C3orf52: variants seen among roughly 807,000 people sequenced by gnomAD.
C3orf52 encodes the protein chromosome 3 open reading frame 52.
C3orf52 carries 22 observed loss-of-function variants against 24.8 expected under a neutral mutation model. The ratio of observed to expected loss-of-function variants is 0.89; its 90% confidence interval spans 0.63 to 1.27. The LOEUF (loss-of-function observed/expected upper bound fraction) is 1.27. Ranked by LOEUF, C3orf52 falls within the 50% of genes most tolerant of loss-of-function variation. The pLI is 0.00. For synonymous variants in C3orf52, 93 were observed against 100.2 expected (o/e 0.93, Z 0.43); for missense variants, 265 against 260.7 (o/e 1.02, Z -0.11).
At chr3:112,112,332 GC>G (rs2074091077) in intron 4 of C3orf52, 1 of 153,090 alleles carries the variant, frequency 6.5e-6, no homozygotes, top group Admixed American at 6.5e-5. Context: ...TGGTTATCTT[GC>G]CCTAGGGGCC....
rs1162955894 is a variant in C3orf52 at position 112,117,043 on chromosome 3, C to T, written c.*397C>T. On this transcript the variant is annotated 3_prime_UTR_variant, in exon 6 of 6. Transcript: ENST00000264848. ...TCATGGCACTGCTATTCTTGAAGCA[C>T]TCCACCCACCTGGGCTACTTTTTCT... The T allele has an allele frequency of 1.1e-6, 1 of 917,400 alleles. No homozygotes were observed. Among genetic ancestry groups the T allele is most frequent in the Non-Finnish European group, 1.6e-6 (1 of 616,338 alleles). The allele number at this position is 917,400 out of a possible 1,614,324, so 56.8% of individuals were successfully genotyped here.
At chr3:112,112,817 G>T in intron 4 of C3orf52, 147 bp from the exon 5 acceptor site, 1 of 753,864 alleles carries the variant, frequency 1.3e-6, no homozygotes, top group Non-Finnish European at 2.4e-6. Context: ...TTATAGGACA[G>T]TATGTTCTTC....
At chr3:112,125,260 G>A in intron 4 of C3orf52, 1 of 1,564,410 alleles carries the variant, frequency 6.4e-7, no homozygotes. Context: ...TTCATCTGGA[G>A]AAAGAAAATA....
chr3:112,091,678 G>C lies in C3orf52; in HGVS notation c.139-1682G>C, dbSNP rs115149318. 9.9e-4 allele frequency among the ~76,000 whole-genome samples: 151 copies of C among 152,108 alleles called. 1 individual carries two copies. Among genetic ancestry groups the C allele is most frequent in the African/African-American group, 3.5e-3 (147 of 41,432 alleles). ...AATACAGTCCAAGTGTGGACTGACC[G>C]ATTCGTTTTCTGATGGCCAGCACCA... On this transcript the variant is annotated intron_variant, in intron 1 of 5. Transcript: ENST00000264848.
intron 4 of C3orf52, 75 bp from the exon 5 acceptor site, chr3:112,112,889 A>AG (rs2074098388): frequency 1.7e-6 from 2 of 1,189,026 alleles, no homozygotes; most frequent in Non-Finnish European, 2.5e-6. Context: ...AAAAAAAAAA[A>AG]GTTATTGCTT....
At chr3:112,108,388 T>C (rs1300419720) in intron 3 of C3orf52, among the ~76,000 whole-genome samples, 1 of 152,178 alleles carries the variant, frequency 6.6e-6, no homozygotes, top group Non-Finnish European at 1.5e-5. Flanking sequence ...TATTTATACA[T>C]TGCTGGGAGG....
At chr3:112,090,468 AT>A (rs934850430) in intron 1 of C3orf52, among the ~76,000 whole-genome samples, 1 of 149,686 alleles carries the variant, frequency 6.7e-6, no homozygotes, top group African/African-American at 2.5e-5. Flanking sequence ...CTATTTTTTT[AT>A]TTTTATTTTT....
At position 112,109,529 on chromosome 3, in the gene C3orf52, T is replaced by C. The variant is rs2074057370; in HGVS notation, c.397-14T>C. 2.0e-6 allele frequency: 3 copies of C among 1,529,876 alleles called. No homozygotes were observed. Among genetic ancestry groups the C allele is most frequent in the African/African-American group, 3.4e-5 (2 of 59,228 alleles). 94.8% of individuals were successfully genotyped at this position (1,529,876 alleles called of 1,614,324 possible). A position where few individuals can be genotyped will look rare whatever the true frequency, so the allele number is the denominator to read the frequency against. ...CGGTAATGTGTGTGGTTTAATTTGC[T>C]TCTGTTTGTTTAGCTCACAGATGTG... On this transcript the variant is annotated splice_polypyrimidine_tract_variant and intron_variant, in intron 3 of 5. Coordinates refer to ENST00000264848, the MANE Select transcript of C3orf52 (RefSeq NM_024616.3).
chr3:112,098,947 G>C (rs529308789), intron 2 of C3orf52, among the ~76,000 whole-genome samples: 1 of 152,246 alleles, frequency 6.6e-6, no homozygotes, highest in Admixed American at 6.5e-5. Flanking sequence ...ATCTCATGTT[G>C]AATGATAAGA....
chr3:112,120,408 A>G (rs1394228822), downstream of C3orf52, among the ~76,000 whole-genome samples: 1 of 152,194 alleles, frequency 6.6e-6, no homozygotes, highest in Non-Finnish European at 1.5e-5. Flanking sequence ...CTTGTTGTCA[A>G]CAGATTTTCC....
chr3:112,124,454 C>T (rs1441485027), intron 4 of C3orf52, among the ~76,000 whole-genome samples: 1 of 152,034 alleles, frequency 6.6e-6, no homozygotes, highest in Non-Finnish European at 1.5e-5. Context: ...ACTGAAAATA[C>T]AAAAATTAGC....
intron 3 of C3orf52, among the ~76,000 whole-genome samples, chr3:112,108,957 G>A (rs2107786346): frequency 6.6e-6 from 1 of 152,248 alleles, no homozygotes; most frequent in East Asian, 1.9e-4. Context: ...CAAATATGAA[G>A]ACATGAAAGC....
Position 112,117,007 on chromosome 3 carries a change from C to A in C3orf52, c.*361C>A. On this transcript the variant is annotated 3_prime_UTR_variant, in exon 6 of 6. Transcript: ENST00000264848. ...CTCGTTCTGTCGCTTAGCTGGAGTGCGGTGGCGTGATCATGGCACTGCTAT... is the reference window on the plus strand; with the variant it reads ...CTCGTTCTGTCGCTTAGCTGGAGTGAGGTGGCGTGATCATGGCACTGCTAT... 3.0e-6 allele frequency: 4 copies of A among 1,334,534 alleles called. No individual in the cohort carries two copies. Among genetic ancestry groups the A allele is most frequent in the Non-Finnish European group, 3.1e-6 (3 of 978,250 alleles). The allele number at this position is 1,334,534 out of a possible 1,614,324, so 82.7% of individuals were successfully genotyped here. A position where few individuals can be genotyped will look rare whatever the true frequency, so the allele number is the denominator to read the frequency against.
At chr3:112,101,708 A>G (rs2073973284) in intron 2 of C3orf52, among the ~76,000 whole-genome samples, 1 of 152,204 alleles carries the variant, frequency 6.6e-6, no homozygotes, top group Admixed American at 6.5e-5. Flanking sequence ...AATACCAGGA[A>G]TCTTCCTCCT....
At position 112,087,100 on chromosome 3, in the gene C3orf52, G is replaced by A. The variant is rs115866862; in HGVS notation, c.138+555G>A. Among the ~76,000 whole-genome samples, 1,382 of 145,624 alleles carry A rather than the reference G, an allele frequency of 9.5e-3. 17 individuals are homozygous for A. The highest frequency in any genetic ancestry group is 0.032 in the African/African-American group (1,304 of 40,454). ...GGATTCTGCCGGAAGAGAGATAGGGGAGAGCACAGAGGAGAGAAAGCGGTC... is the reference window on the plus strand; with the variant it reads ...GGATTCTGCCGGAAGAGAGATAGGGAAGAGCACAGAGGAGAGAAAGCGGTC... On this transcript the variant is annotated intron_variant, in intron 1 of 5. Transcript: ENST00000264848.
intron 4 of C3orf52, chr3:112,123,466 A>T (rs1163043834): frequency 1.2e-6 from 2 of 1,613,966 alleles, no homozygotes; most frequent in Non-Finnish European, 1.7e-6. Flanking sequence ...TATAAATGGG[A>T]AAACTGAGTC....
downstream of C3orf52, among the ~76,000 whole-genome samples, chr3:112,119,756 G>A (rs1466645666): frequency 6.6e-6 from 1 of 152,146 alleles, no homozygotes. Flanking sequence ...TGCATTGTTG[G>A]CAGCTTTATC....
downstream of C3orf52, among the ~76,000 whole-genome samples, chr3:112,118,522 G>C (rs7617986): frequency 0.064 from 9,792 of 152,218 alleles, 444 homozygotes; most frequent in African/African-American, 0.13. Flanking sequence ...TTCCCTTCTT[G>C]TTCAGAAAGC....
At position 112,124,474 on chromosome 3, in the gene C3orf52, T is replaced by G. The variant is rs568163006; in HGVS notation, c.*47-3759T>G. Among the ~76,000 whole-genome samples, 170 of 152,218 alleles carry G rather than the reference T, an allele frequency of 1.1e-3. 2 individuals carry two copies. The highest frequency in any genetic ancestry group is 2.0e-3 in the Non-Finnish European group (136 of 68,010). On this transcript the variant is annotated intron_variant, in intron 4 of 4. Transcript: ENST00000480282. ...AAATACAAAAATTAGCCAGGTGTGA[T>G]GGCACACACCTGCAATCCCAGCTAC...
Sources: allele counts gnomAD v4.1 joint callset (sites outside exome capture counted in the v4.1 genomes callset), GRCh38; gene constraint gnomAD v4.1.1; transcripts MANE v1.5; gene names NCBI Gene and HGNC (gene_info 2026-07-23, HGNC 2026-07-21).